Variants in FBXO25 observed in about 807,000 individuals in gnomAD.
FBXO25 encodes the protein F-box protein 25.
In FBXO25, 45 loss-of-function variants were observed where a neutral mutation model predicts 51.9. The ratio of observed to expected loss-of-function variants is 0.87; its 90% CI spans 0.68 to 1.11. The LOEUF is 1.11. Among genes scored for constraint, FBXO25 ranks in the 50% most tolerant of loss-of-function variants. The pLI, the probability that FBXO25 is intolerant of heterozygous loss-of-function variation, is 0.00. For missense variants in FBXO25, 507 were observed against 428.5 expected, an observed-to-expected ratio of 1.18 and a Z score of -1.62; for synonymous variants, 199 against 151.0, an observed-to-expected ratio of 1.32 and a Z score of -2.33.
intron 5 of FBXO25, among the ~76,000 whole-genome samples, chr8:441,371 A>G (rs1158772163): frequency 1.3e-5 from 2 of 152,216 alleles, no homozygotes; most frequent in African/African-American, 4.8e-5. Flanking sequence ...TTAACTCAAG[A>G]TGGATTAAAG....
chr8:416,520 C>T (rs546602646), intron 2 of FBXO25, among the ~76,000 whole-genome samples: 1 of 152,314 alleles, frequency 6.6e-6, no homozygotes, highest in African/African-American at 2.4e-5. Context: ...TGATTACCCC[C>T]AGGGGTAGAG....
chr8:464,423 C>A (rs1362569719), intron 9 of FBXO25, among the ~76,000 whole-genome samples: 3 of 152,220 alleles, frequency 2.0e-5, no homozygotes, highest in Admixed American at 6.5e-5. Flanking sequence ...GAGCTGCTGG[C>A]TGCTCTGCGG....
intron 1 of FBXO25, among the ~76,000 whole-genome samples, chr8:410,471 T>G (rs73669371): frequency 0.081 from 12,333 of 152,116 alleles, 760 homozygotes; most frequent in African/African-American, 0.17. Context: ...CAGTTTCAAG[T>G]TGATATTGAG....
At chr8:423,927 T>A (rs1048295066) in intron 2 of FBXO25, among the ~76,000 whole-genome samples, 2 of 152,192 alleles carry the variant, frequency 1.3e-5, no homozygotes, top group African/African-American at 4.8e-5. Context: ...ATAAGCATTC[T>A]GTTTTCTCCT....
chr8:413,921 G>A (rs1187872413), intron 2 of FBXO25, among the ~76,000 whole-genome samples: 1 of 152,228 alleles, frequency 6.6e-6, no homozygotes, highest in East Asian at 1.9e-4. Context: ...GCTATTGTAT[G>A]ATGACTACAG....
Position 431,522 on chromosome 8 carries a change from T to C in FBXO25, c.238+78T>C, listed in dbSNP as rs563655309. ...AAATTACTCTGACAATGCTATCTTA[T>C]GAAATAAAAGGTGATACAAATATGT... On this transcript the variant is annotated intron_variant, in intron 3 of 9. Coordinates refer to ENST00000350302, the MANE Select transcript of FBXO25 (RefSeq NM_183420.2). 4 of 738,100 alleles carry C rather than the reference T, an allele frequency of 5.4e-6. No homozygotes were observed. In the Admixed American group the frequency reaches 9.0e-5, roughly 17 times the overall value. The allele number at this position is 738,100 out of a possible 1,614,324, so 45.7% of individuals were successfully genotyped here.
At chr8:462,961 T>C (rs1447886449) in intron 8 of FBXO25, 46 bp from the exon 9 acceptor site, 2 of 1,569,708 alleles carry the variant, frequency 1.3e-6, no homozygotes, top group Non-Finnish European at 1.7e-6. Flanking sequence ...TATTATGTTT[T>C]GAAAGTCATC....
rs896739276 is a variant in FBXO25 at position 470,126 on chromosome 8, A to T, written c.*1322A>T. 1 of 152,090 alleles carries T rather than the reference A, an allele frequency of 6.6e-6. No homozygotes were observed. Among genetic ancestry groups the T allele is most frequent in the African/African-American group, 2.4e-5 (1 of 41,412 alleles). 9.4% of individuals were successfully genotyped at this position (152,090 alleles called of 1,614,324 possible). A position where few individuals can be genotyped will look rare whatever the true frequency, so the allele number is the denominator to read the frequency against. On this transcript the variant is annotated 3_prime_UTR_variant, in exon 10 of 10. Transcript: ENST00000350302. ...GAACCATATCCTAAATGTTATTTGG[A>T]AACTTGGCTTTTATTAGCTCCACAG...
At chr8:414,273 G>A (rs986134513) in intron 2 of FBXO25, among the ~76,000 whole-genome samples, 4 of 152,156 alleles carry the variant, frequency 2.6e-5, no homozygotes, top group African/African-American at 4.8e-5. Flanking sequence ...TAATTATGCT[G>A]TTGGTATTGC....
chr8:437,093 C>A (rs905428102), intron 5 of FBXO25, among the ~76,000 whole-genome samples: 1 of 152,118 alleles, frequency 6.6e-6, no homozygotes, highest in African/African-American at 2.4e-5. Flanking sequence ...CCACATACTA[C>A]TATAATTTGC....
intron 7 of FBXO25, 122 bp downstream of exon 7, chr8:451,575 T>A: frequency 1.1e-6 from 1 of 945,114 alleles, no homozygotes; most frequent in Non-Finnish European, 1.6e-6. Flanking sequence ...CTTTCATAAG[T>A]ATTCATTAAA....
chr8:413,057 T>A lies in FBXO25; in HGVS notation c.-7-16T>A. The A allele has an allele frequency of 1.4e-6, 2 of 1,473,268 alleles. No individual in the cohort carries two copies. Among genetic ancestry groups the A allele is most frequent in the Non-Finnish European group, 1.8e-6 (2 of 1,111,888 alleles). 91.3% of individuals were successfully genotyped at this position (1,473,268 alleles called of 1,614,324 possible). A position where few individuals can be genotyped will look rare whatever the true frequency, so the allele number is the denominator to read the frequency against. On this transcript the variant is annotated splice_polypyrimidine_tract_variant and intron_variant, in intron 1 of 9. Transcript: ENST00000350302. The stretch of plus-strand genomic sequence containing the variant: ...GAATTATATATACTTTTTAACATAA[T>A]TTAACTTTTTCATAGGAGAACTATG...
chr8:420,789 G>C (rs1417617293), intron 2 of FBXO25, among the ~76,000 whole-genome samples: 1 of 152,222 alleles, frequency 6.6e-6, no homozygotes, highest in East Asian at 1.9e-4. Context: ...TTGGGGAAAA[G>C]GAGTTGATGA....
At chr8:436,648 G>T (rs1440342241) in intron 5 of FBXO25, among the ~76,000 whole-genome samples, 1 of 152,044 alleles carries the variant, frequency 6.6e-6, no homozygotes, top group Non-Finnish European at 1.5e-5. Context: ...TGGCCAGCAG[G>T]GTGTCCTCGA....
rs771017009 is a variant in FBXO25 at position 474,824 on chromosome 8, C to T, written c.*6020C>T. 3.3e-4 allele frequency: 140 copies of T among 427,176 alleles called. No individual in the cohort carries two copies. Among genetic ancestry groups the T allele is most frequent in the Non-Finnish European group, 5.2e-4 (113 of 218,606 alleles). 26.5% of individuals were successfully genotyped at this position (427,176 alleles called of 1,614,324 possible). ...TCACTCTGTTTTGTTCTTTGATGTA[C>T]AGAAGTTGTTTCTTTCTTTTAGTTA... On this transcript the variant is annotated 3_prime_UTR_variant, in exon 10 of 10. Coordinates refer to ENST00000350302, the MANE Select transcript of FBXO25 (RefSeq NM_183420.2).
At chr8:422,332 A>T (rs1041403874) in intron 2 of FBXO25, among the ~76,000 whole-genome samples, 5 of 152,302 alleles carry the variant, frequency 3.3e-5, no homozygotes, top group Non-Finnish European at 7.4e-5. Context: ...TCAGGAGAAA[A>T]CAGCAGACAA....
At position 416,447 on chromosome 8, in the gene FBXO25, A is replaced by G. The variant is rs775215092; in HGVS notation, c.134+3234A>G. Among the ~76,000 whole-genome samples the G allele has an allele frequency of 3.3e-5, 5 of 152,240 alleles. 1 individual carries two copies. The highest frequency in any genetic ancestry group is 5.9e-5 in the Non-Finnish European group (4 of 68,044). On this transcript the variant is annotated intron_variant, in intron 2 of 9. Coordinates refer to ENST00000350302, the MANE Select transcript of FBXO25 (RefSeq NM_183420.2). The stretch of plus-strand genomic sequence containing the variant: ...GTCCAGAACACCTGAGATATTCCGA[A>G]CAGAGGCTTATTTTTGTTAATTATC...
Position 473,839 on chromosome 8 carries a change from G to C in FBXO25, c.*5035G>C, listed in dbSNP as rs1482352172. 3 of 152,146 alleles carry C rather than the reference G, an allele frequency of 2.0e-5. No individual in the cohort carries two copies. The highest frequency in any genetic ancestry group is 2.0e-4 in the Admixed American group (3 of 15,282). 9.4% of individuals were successfully genotyped at this position (152,146 alleles called of 1,614,324 possible). On this transcript the variant is annotated 3_prime_UTR_variant, in exon 10 of 10. Transcript: ENST00000350302. ...TTGCATGGAAATTTCATTTTTATTT[G>C]ATAATCATTTGAGAAACTTGCACAG...
At chr8:426,573 G>A (rs1309474918) in intron 2 of FBXO25, among the ~76,000 whole-genome samples, 6 of 152,082 alleles carry the variant, frequency 3.9e-5, no homozygotes, top group African/African-American at 1.2e-4. Flanking sequence ...AGTGGCACAC[G>A]CAGGAAGTCA....
Sources: gnomAD v4.1 joint callset for allele counts (sites outside exome capture counted in the v4.1 genomes callset) on GRCh38, gnomAD v4.1.1 for gene constraint, MANE v1.5 for transcripts, NCBI Gene and HGNC (gene_info 2026-07-23, HGNC 2026-07-21) for gene names.